The following NCOA6 variants were observed in gnomAD, a reference collection of about 807,000 sequenced individuals.
NCOA6 encodes NRC RAP250.
NCOA6 carries 49 observed loss-of-function variants against 171.4 expected under a neutral mutation model. That is an observed-to-expected ratio of 0.29 (90% CI 0.23 to 0.36). The LOEUF (loss-of-function observed/expected upper bound fraction) is 0.36, where lower values mean the gene tolerates loss of function less well. Ranked by LOEUF, NCOA6 falls within the 10% of genes least tolerant of loss-of-function variation. The pLI is 1.00. For synonymous variants in NCOA6, 910 were observed against 927.5 expected (o/e 0.98, Z 0.34); for missense variants, 2,248 against 2,554.5 (o/e 0.88, Z 2.59).
intron 3 of NCOA6, among the ~76,000 whole-genome samples, chr20:34,780,846 G>T (rs1428332209): frequency 6.6e-6 from 1 of 151,690 alleles, no homozygotes; most frequent in Non-Finnish European, 1.5e-5. Flanking sequence ...TAGAGATGAG[G>T]TCTCTCTATA....
intron 5 of NCOA6, among the ~76,000 whole-genome samples, chr20:34,761,645 T>C (rs2076821520): frequency 6.6e-6 from 1 of 152,186 alleles, no homozygotes; most frequent in African/African-American, 2.4e-5. Context: ...GAATTATGAC[T>C]GCATGGTTTT....
intron 2 of NCOA6, among the ~76,000 whole-genome samples, chr20:34,783,286 A>T (rs1229973593): frequency 1.3e-5 from 2 of 152,290 alleles, no homozygotes; most frequent in East Asian, 1.9e-4. Flanking sequence ...CGTCTCAAAA[A>T]AAAAAGGGGG....
intron 1 of NCOA6, among the ~76,000 whole-genome samples, chr20:34,799,534 T>C (rs2078186504): frequency 6.6e-6 from 1 of 152,134 alleles, no homozygotes; most frequent in Admixed American, 6.6e-5. Context: ...CTTCAAGACA[T>C]TTAATAACCA....
intron 2 of NCOA6, among the ~76,000 whole-genome samples, chr20:34,788,563 A>G (rs567078539): frequency 6.6e-6 from 1 of 152,180 alleles, no homozygotes; most frequent in Admixed American, 6.5e-5. Context: ...TCCCTGTTTT[A>G]GCAGTCCTCA....
chr20:34,771,261 A>G (rs907386725), intron 4 of NCOA6, among the ~76,000 whole-genome samples: 2 of 152,140 alleles, frequency 1.3e-5, no homozygotes, highest in African/African-American at 4.8e-5. Flanking sequence ...GTGGGACTAC[A>G]GGAGTATGCC....
At chr20:34,804,950 A>G (rs979121698) in intron 1 of NCOA6, among the ~76,000 whole-genome samples, 3 of 152,046 alleles carry the variant, frequency 2.0e-5, no homozygotes, top group African/African-American at 7.2e-5. Context: ...CTATCCAGCT[A>G]TAATTTTGTA....
At chr20:34,781,614 G>A (rs2077518525) in intron 3 of NCOA6, among the ~76,000 whole-genome samples, 1 of 152,154 alleles carries the variant, frequency 6.6e-6, no homozygotes, top group African/African-American at 2.4e-5. Flanking sequence ...CTCAAACACT[G>A]AAAACAAACT....
intron 1 of NCOA6, among the ~76,000 whole-genome samples, chr20:34,815,136 T>G (rs1273684519): frequency 6.6e-6 from 1 of 151,864 alleles, no homozygotes; most frequent in Admixed American, 6.6e-5. Flanking sequence ...TCCCAGCATT[T>G]TGGGAGGCAA....
At chr20:34,761,979 A>T (rs867619072) in intron 5 of NCOA6, among the ~76,000 whole-genome samples, 1 of 152,158 alleles carries the variant, frequency 6.6e-6, no homozygotes, top group South Asian at 2.1e-4. Context: ...ATATATGTCC[A>T]TTATATAAAA....
At chr20:34,766,771 T>C (rs1368300095) in intron 5 of NCOA6, among the ~76,000 whole-genome samples, 1 of 152,168 alleles carries the variant, frequency 6.6e-6, no homozygotes, top group Non-Finnish European at 1.5e-5. Context: ...ATTAAGTCCT[T>C]TGGCCAGGAG....
intron 1 of NCOA6, among the ~76,000 whole-genome samples, chr20:34,814,316 G>A (rs1208012604): frequency 6.6e-6 from 1 of 152,012 alleles, no homozygotes; most frequent in Non-Finnish European, 1.5e-5. Flanking sequence ...TCCAGCCTGG[G>A]TGACAGAGTA....
intron 2 of NCOA6, among the ~76,000 whole-genome samples, chr20:34,783,905 T>C (rs2077586665): frequency 6.6e-6 from 1 of 152,194 alleles, no homozygotes; most frequent in African/African-American, 2.4e-5. Flanking sequence ...ATTACAGGCG[T>C]GAGCCACCTT....
chr20:34,809,793 C>G (rs1183869403), intron 1 of NCOA6, among the ~76,000 whole-genome samples: 1 of 152,014 alleles, frequency 6.6e-6, no homozygotes, highest in Non-Finnish European at 1.5e-5. Context: ...ATGGCAAAAC[C>G]CCATCTCTAC....
chr20:34,762,361 T>C (rs1172007003), intron 5 of NCOA6, among the ~76,000 whole-genome samples: 2 of 152,228 alleles, frequency 1.3e-5, no homozygotes, highest in African/African-American at 4.8e-5. Flanking sequence ...TAGGTAAACC[T>C]GAGAATACTA....
At chr20:34,787,289 T>C (rs780618827) in intron 2 of NCOA6, among the ~76,000 whole-genome samples, 8 of 151,966 alleles carry the variant, frequency 5.3e-5, no homozygotes, top group Non-Finnish European at 1.2e-4. Flanking sequence ...TTTGGGAGGC[T>C]GAGGTTGGAG....
At chr20:34,740,179 G>T (rs2076088123) in intron 11 of NCOA6, among the ~76,000 whole-genome samples, 184 bp downstream of exon 11, 1 of 152,152 alleles carries the variant, frequency 6.6e-6, no homozygotes, top group South Asian at 2.1e-4. Flanking sequence ...TCTCTTTAAT[G>T]AATGCAAACT....
At chr20:34,789,923 T>C (rs2077815773) in intron 2 of NCOA6, among the ~76,000 whole-genome samples, 1 of 151,914 alleles carries the variant, frequency 6.6e-6, no homozygotes, top group Non-Finnish European at 1.5e-5. Flanking sequence ...CTGAAAAACA[T>C]TAATGTAAAA....
Position 34,742,404 on chromosome 20 carries a change from C to G in NCOA6, c.3852G>C (p.Gly1284=), listed in dbSNP as rs1479871542. 5.6e-6 allele frequency: 9 copies of G among 1,614,174 alleles called. No homozygotes were observed. Among genetic ancestry groups the G allele is most frequent in the Non-Finnish European group, 7.6e-6 (9 of 1,180,036 alleles). Residue 1284 remains glycine (G), a synonymous_variant, in exon 11 of 15, where the codon GGG becomes GGC. Transcript: ENST00000359003. ...TCATGGTAAGATTTGAAGGTGCTTGCCCGATGGCCTTCAAAGTTGTTGGAT... is the reference window on the plus strand; with the variant it reads ...TCATGGTAAGATTTGAAGGTGCTTGGCCGATGGCCTTCAAAGTTGTTGGAT... ...GLNPTTLKAI[G]QAPSNLTMNP...
chr20:34,824,084 AC>A (rs1249613707), intron 1 of NCOA6, among the ~76,000 whole-genome samples: 1 of 152,204 alleles, frequency 6.6e-6, no homozygotes, highest in Non-Finnish European at 1.5e-5. Context: ...GGCTGCCTAT[AC>A]TTTTTTGTAT....
Sources: allele counts gnomAD v4.1 joint callset (sites outside exome capture counted in the v4.1 genomes callset), GRCh38; gene constraint gnomAD v4.1.1; transcripts MANE v1.5; gene names NCBI Gene and HGNC (gene_info 2026-07-23, HGNC 2026-07-21).